Variants in DAB1 observed in about 807,000 individuals in gnomAD.
DAB1 encodes DAB adaptor protein 1, also known as disabled homolog 1.
DAB1 carries 15 observed loss-of-function variants against 64.6 expected under a neutral mutation model. The observed-to-expected ratio is 0.23, with a 90% CI of 0.16 to 0.36. The LOEUF is 0.36. DAB1 is among the 10% of genes least tolerant of loss of function. DAB1 has a pLI of 1.00. For missense variants in DAB1, 596 were observed against 706.7 expected (o/e 0.84, Z 1.78); for synonymous variants, 235 against 251.9 (o/e 0.93, Z 0.64).
intron 6 of DAB1, among the ~76,000 whole-genome samples, chr1:57,773,370 C>T (rs1025496148): frequency 4.6e-5 from 7 of 151,866 alleles, no homozygotes; most frequent in Non-Finnish European, 7.4e-5. Flanking sequence ...CACACACACA[C>T]ACACAGACAC....
intron 1 of DAB1, among the ~76,000 whole-genome samples, chr1:57,349,386 C>T (rs951366864): frequency 4.6e-5 from 7 of 151,864 alleles, no homozygotes; most frequent in African/African-American, 1.7e-4. Flanking sequence ...TCCTTAGCAC[C>T]CACGCTGACT....
At chr1:57,437,035 C>CAA (rs66682648) in intron 7 of DAB1, among the ~76,000 whole-genome samples, 18,164 of 108,304 alleles carry the variant, frequency 0.17, 2,186 homozygotes, top group East Asian at 0.39. Context: ...GACTCCGTCT[C>CAA]AAAAAAAAAA....
intron 2 of DAB1, among the ~76,000 whole-genome samples, chr1:57,267,051 A>ATTT (rs1670638607): frequency 6.6e-6 from 1 of 152,140 alleles, no homozygotes; most frequent in Admixed American, 6.5e-5. Flanking sequence ...ATTTGGAAAA[A>ATTT]GATATAATTC....
chr1:57,057,568 A>G (rs1398619619), intron 9 of DAB1, among the ~76,000 whole-genome samples: 1 of 151,642 alleles, frequency 6.6e-6, no homozygotes, highest in East Asian at 1.9e-4. Flanking sequence ...TGACATGCAA[A>G]TAGTTACAGG....
intron 3 of DAB1, among the ~76,000 whole-genome samples, chr1:58,466,735 C>T (rs1383108735): frequency 1.3e-5 from 2 of 152,164 alleles, no homozygotes; most frequent in Non-Finnish European, 2.9e-5. Context: ...GAAGCCTTGA[C>T]ATTCTACACG....
At chr1:58,173,920 TG>T (rs548713308) in intron 4 of DAB1, among the ~76,000 whole-genome samples, 13 of 152,308 alleles carry the variant, frequency 8.5e-5, no homozygotes, top group African/African-American at 3.1e-4. Flanking sequence ...GGGTTAGGAA[TG>T]GCTACTGCTA....
intron 7 of DAB1, among the ~76,000 whole-genome samples, chr1:57,536,112 C>T (rs1477517810): frequency 6.6e-6 from 1 of 152,168 alleles, no homozygotes. Flanking sequence ...CAAACATTAG[C>T]TCCACAGTAG....
At chr1:57,884,529 T>C (rs1644193966), upstream of DAB1, among the ~76,000 whole-genome samples, 4 of 152,268 alleles carry the variant, frequency 2.6e-5, no homozygotes, top group Admixed American at 2.6e-4. Context: ...TGAATCTATC[T>C]GTAGGATAAA....
intron 4 of DAB1, among the ~76,000 whole-genome samples, chr1:58,226,879 GCA>G (rs1659524743): frequency 6.6e-6 from 1 of 152,124 alleles, no homozygotes; most frequent in Non-Finnish European, 1.5e-5. Flanking sequence ...TGAATCTCTG[GCA>G]CAGTGTCCAC....
chr1:57,991,927 C>T (rs1315412396), intron 5 of DAB1, among the ~76,000 whole-genome samples: 1 of 147,940 alleles, frequency 6.8e-6, no homozygotes, highest in Non-Finnish European at 1.5e-5. Flanking sequence ...GATTGGATGC[C>T]CGAGTTGAGA....
At chr1:57,566,852 A>G (rs1182978875) in intron 7 of DAB1, among the ~76,000 whole-genome samples, 1 of 152,104 alleles carries the variant, frequency 6.6e-6, no homozygotes, top group Non-Finnish European at 1.5e-5. Context: ...GAGGTACAAG[A>G]AGGAGCTGGT....
At chr1:57,346,332 G>T (rs1678096841) in intron 1 of DAB1, among the ~76,000 whole-genome samples, 1 of 152,184 alleles carries the variant, frequency 6.6e-6, no homozygotes, top group African/African-American at 2.4e-5. Context: ...CATTTTACTT[G>T]AAGATTCCTC....
chr1:57,233,871 G>A (rs1387401742), intron 2 of DAB1, among the ~76,000 whole-genome samples: 1 of 152,082 alleles, frequency 6.6e-6, no homozygotes, highest in East Asian at 1.9e-4. Context: ...GGGGAGGTAG[G>A]GCACTGGGAG....
intron 3 of DAB1, among the ~76,000 whole-genome samples, chr1:58,358,557 G>A (rs1304653713): frequency 6.6e-6 from 1 of 152,088 alleles, no homozygotes; most frequent in African/African-American, 2.4e-5. Context: ...CTACTAAATT[G>A]CATCTTGCTT....
At chr1:57,075,731 C>G (rs3754261) in intron 4 of DAB1, among the ~76,000 whole-genome samples, 31,228 of 152,082 alleles carry the variant, frequency 0.21, 3,745 homozygotes, top group East Asian at 0.48. Context: ...CATGAAGGGA[C>G]TGAAGGTCAG....
chr1:58,268,176 T>C (rs1231523616), intron 4 of DAB1, among the ~76,000 whole-genome samples: 1 of 152,132 alleles, frequency 6.6e-6, no homozygotes, highest in Non-Finnish European at 1.5e-5. Flanking sequence ...TATCTTTAAT[T>C]TAAAAAATTA....
chr1:57,059,179 A>G (rs1449639873), intron 9 of DAB1, among the ~76,000 whole-genome samples: 3 of 152,188 alleles, frequency 2.0e-5, no homozygotes, highest in Non-Finnish European at 4.4e-5. Context: ...AGGGTTTTGT[A>G]TAAGTGTCTC....
intron 1 of DAB1, among the ~76,000 whole-genome samples, chr1:57,383,840 G>T (rs749726389): frequency 4.6e-5 from 7 of 152,048 alleles, no homozygotes; most frequent in Non-Finnish European, 1.0e-4. Flanking sequence ...TCACAATACT[G>T]AATTTAGCAA....
intron 1 of DAB1, among the ~76,000 whole-genome samples, chr1:57,380,693 A>G (rs1276968810): frequency 6.6e-6 from 1 of 152,204 alleles, no homozygotes; most frequent in Non-Finnish European, 1.5e-5. Flanking sequence ...GACATAAAGC[A>G]CACTAATAAC....
Sources: allele counts gnomAD v4.1 joint callset (sites outside exome capture counted in the v4.1 genomes callset), GRCh38; gene constraint gnomAD v4.1.1; transcripts MANE v1.5; gene names NCBI Gene and HGNC (gene_info 2026-07-23, HGNC 2026-07-21).